Variants in PRKCA observed in about 807,000 individuals in gnomAD.
PRKCA encodes protein kinase C alpha type.
PRKCA carries 27 observed loss-of-function variants against 87.0 expected under a neutral mutation model. The ratio of observed to expected loss-of-function variants is 0.31; its 90% CI spans 0.23 to 0.43. The LOEUF is 0.43. Among genes scored for constraint, PRKCA ranks in the 20% least tolerant of loss-of-function variants. The probability of loss-of-function intolerance (pLI) is 1.00; values close to 1 mark genes in which losing one functional copy is unlikely to be tolerated. For synonymous variants in PRKCA, 329 were observed against 311.1 expected, an observed-to-expected ratio of 1.06 and a Z score of -0.61; for missense variants, 518 against 852.3, an observed-to-expected ratio of 0.61 and a Z score of 4.88.
At chr17:66,507,097 A>G (rs796644885) in intron 3 of PRKCA, among the ~76,000 whole-genome samples, 18 of 152,278 alleles carry the variant, frequency 1.2e-4, no homozygotes, top group African/African-American at 4.3e-4. Context: ...TTTCTTGAGC[A>G]TTTATTGTGT....
intron 2 of PRKCA, among the ~76,000 whole-genome samples, chr17:66,474,058 A>G (rs1367143079): frequency 6.6e-6 from 1 of 152,244 alleles, no homozygotes; most frequent in Non-Finnish European, 1.5e-5. Flanking sequence ...CTCATCCTTA[A>G]TAAATAAAAT....
intron 3 of PRKCA, among the ~76,000 whole-genome samples, chr17:66,502,755 C>T (rs1170203535): frequency 1.3e-5 from 2 of 151,988 alleles, no homozygotes; most frequent in East Asian, 1.9e-4. Flanking sequence ...CCTGGGTTCA[C>T]GCCATTCTCC....
At chr17:66,613,666 C>T (rs566801530) in intron 3 of PRKCA, among the ~76,000 whole-genome samples, 35 of 151,882 alleles carry the variant, frequency 2.3e-4, no homozygotes, top group Non-Finnish European at 3.7e-4. Flanking sequence ...TCTCTGCCTC[C>T]GATTCACATG....
At chr17:66,728,443 C>T (rs955473400) in intron 8 of PRKCA, among the ~76,000 whole-genome samples, 2 of 152,212 alleles carry the variant, frequency 1.3e-5, no homozygotes, top group African/African-American at 2.4e-5. Flanking sequence ...AAGCGTGTGG[C>T]GTCCTCTGCC....
chr17:66,559,909 G>A (rs1305142724), intron 3 of PRKCA, among the ~76,000 whole-genome samples: 1 of 152,142 alleles, frequency 6.6e-6, no homozygotes, highest in African/African-American at 2.4e-5. Flanking sequence ...TTTGGAATTT[G>A]CTATTTATAG....
At chr17:66,750,373 C>T (rs1271939312) in intron 13 of PRKCA, among the ~76,000 whole-genome samples, 5 of 152,204 alleles carry the variant, frequency 3.3e-5, no homozygotes, top group Non-Finnish European at 4.4e-5. Context: ...GAAAATGAAG[C>T]CGCCGCTTTC....
At chr17:66,334,152 A>C (rs529977303) in intron 2 of PRKCA, among the ~76,000 whole-genome samples, 39 of 152,326 alleles carry the variant, frequency 2.6e-4, no homozygotes, top group African/African-American at 7.0e-4. Flanking sequence ...TGGGAGGCTG[A>C]GGCAGGAGAA....
intron 13 of PRKCA, among the ~76,000 whole-genome samples, chr17:66,761,084 T>C (rs1391154169): frequency 1.3e-5 from 2 of 152,106 alleles, no homozygotes; most frequent in Non-Finnish European, 2.9e-5. Context: ...AAATAGAAAA[T>C]ACATAGGCTG....
At chr17:66,439,191 T>C (rs59539216) in intron 2 of PRKCA, among the ~76,000 whole-genome samples, 9,631 of 152,032 alleles carry the variant, frequency 0.063, 352 homozygotes, top group African/African-American at 0.09. Flanking sequence ...TTCTTTCTTT[T>C]TTTTATTGAG....
intron 8 of PRKCA, among the ~76,000 whole-genome samples, chr17:66,691,552 ACC>A (rs953245323): frequency 3.7e-4 from 56 of 152,256 alleles, no homozygotes; most frequent in African/African-American, 1.3e-3. Context: ...GAGGATGCAG[ACC>A]TGGGGTACTG....
chr17:66,585,423 T>C (rs1011347928), intron 3 of PRKCA, among the ~76,000 whole-genome samples: 2 of 152,224 alleles, frequency 1.3e-5, no homozygotes, highest in African/African-American at 4.8e-5. Flanking sequence ...AAAGAAATGA[T>C]CTGGGGGCTG....
At chr17:66,490,698 A>T (rs1427491461) in intron 2 of PRKCA, among the ~76,000 whole-genome samples, 1 of 152,046 alleles carries the variant, frequency 6.6e-6, no homozygotes, top group East Asian at 1.9e-4. Flanking sequence ...CTCCTGCCTC[A>T]GCCTCCCAGG....
intron 3 of PRKCA, among the ~76,000 whole-genome samples, chr17:66,508,563 C>T (rs1917077276): frequency 6.6e-6 from 1 of 152,234 alleles, no homozygotes; most frequent in South Asian, 2.1e-4. Flanking sequence ...TTGCTTATGT[C>T]ACCCTGATTG....
chr17:66,635,314 G>A (rs2143768055), intron 3 of PRKCA, among the ~76,000 whole-genome samples: 1 of 152,320 alleles, frequency 6.6e-6, no homozygotes, highest in Admixed American at 6.5e-5. Context: ...GCCAGTGGGG[G>A]CAGCTTGTGC....
chr17:66,461,710 G>T (rs1035962830), intron 2 of PRKCA, among the ~76,000 whole-genome samples: 21 of 152,118 alleles, frequency 1.4e-4, no homozygotes, highest in African/African-American at 5.1e-4. Flanking sequence ...GGGCACTTAG[G>T]TTTATATTAT....
chr17:66,723,717 C>T (rs1256853720), intron 8 of PRKCA, among the ~76,000 whole-genome samples: 3 of 151,948 alleles, frequency 2.0e-5, no homozygotes, highest in African/African-American at 7.3e-5. Flanking sequence ...GCAAAGGATA[C>T]CTTATTTCAC....
At chr17:66,790,131 C>T (rs1013147954) in intron 16 of PRKCA, among the ~76,000 whole-genome samples, 1 of 152,188 alleles carries the variant, frequency 6.6e-6, no homozygotes, top group Non-Finnish European at 1.5e-5. Context: ...CCAGGGGACC[C>T]ACCTGGGGTG....
intron 2 of PRKCA, among the ~76,000 whole-genome samples, chr17:66,389,574 T>G (rs564209784): frequency 4.4e-4 from 67 of 152,240 alleles, no homozygotes; most frequent in Non-Finnish European, 2.1e-4. Flanking sequence ...CAACAACATC[T>G]TTCATTGTCA....
chr17:66,352,269 T>C (rs980429507), intron 2 of PRKCA, among the ~76,000 whole-genome samples: 2 of 152,180 alleles, frequency 1.3e-5, no homozygotes, highest in African/African-American at 4.8e-5. Flanking sequence ...TTTCTAATTA[T>C]TTTCTGCTCT....
Sources: gnomAD v4.1 joint callset for allele counts (sites outside exome capture counted in the v4.1 genomes callset) on GRCh38, gnomAD v4.1.1 for gene constraint, MANE v1.5 for transcripts, NCBI Gene and HGNC (gene_info 2026-07-23, HGNC 2026-07-21) for gene names.